Variants in TENM1 observed in about 807,000 individuals in gnomAD.
The protein encoded by TENM1 is teneurin-1.
Under a neutral mutation model 174.8 loss-of-function variants are expected in TENM1, and 35 were observed. The observed-to-expected ratio is 0.20, with a 90% CI of 0.15 to 0.27. The LOEUF is 0.27. TENM1 is among the 10% of genes least tolerant of loss of function. TENM1 has a pLI of 1.00. For synonymous variants in TENM1, 781 were observed against 798.7 expected, an observed-to-expected ratio of 0.98 and a Z score of 0.37; for missense variants, 1,633 against 2,130.1, an observed-to-expected ratio of 0.77 and a Z score of 4.59.
chrX:125,113,232 G>A, the TENM1 span, among the ~76,000 whole-genome samples: 1 of 111,132 alleles, frequency 9.0e-6, no homozygotes, highest in African/African-American at 3.3e-5. Context: ...ATAAAAAATT[G>A]TCTCAAAATG....
At chrX:125,097,215 G>A in the TENM1 span, among the ~76,000 whole-genome samples, 2 of 111,594 alleles carry the variant, frequency 1.8e-5, no homozygotes, top group African/African-American at 6.5e-5. Context: ...CTGAGAACAA[G>A]TTTAGGTGAA....
At chrX:124,930,605 T>C (rs1335335843) in intron 1 of TENM1, among the ~76,000 whole-genome samples, 3 of 112,268 alleles carry the variant, frequency 2.7e-5, no homozygotes, top group Non-Finnish European at 3.8e-5. Flanking sequence ...ACAGGTAACT[T>C]GATTCCTTAA....
intron 11 of TENM1, among the ~76,000 whole-genome samples, chrX:124,624,260 C>A (rs763478836): frequency 2.7e-5 from 3 of 111,368 alleles, no homozygotes; most frequent in Non-Finnish European, 3.8e-5. Flanking sequence ...TATGACCTTC[C>A]TAGTATTTAT....
the TENM1 span, among the ~76,000 whole-genome samples, chrX:125,011,641 C>T: frequency 1.8e-5 from 2 of 111,915 alleles, no homozygotes; most frequent in African/African-American, 6.5e-5. Flanking sequence ...AACCAGATAA[C>T]ATCTCATGCC....
At chrX:125,163,431 G>C in the TENM1 span, among the ~76,000 whole-genome samples, 1 of 110,817 alleles carries the variant, frequency 9.0e-6, no homozygotes, top group Non-Finnish European at 1.9e-5. Context: ...TTGGCTATTA[G>C]GAACAAAAAT....
chrX:124,457,894 T>C (rs1011739026), intron 22 of TENM1, among the ~76,000 whole-genome samples: 9 of 112,149 alleles, frequency 8.0e-5, no homozygotes, highest in African/African-American at 2.9e-4. Context: ...TTTCAGAATA[T>C]AAGCTTTGGA....
the TENM1 span, among the ~76,000 whole-genome samples, chrX:125,068,770 T>C: frequency 8.9e-6 from 1 of 111,741 alleles, no homozygotes; most frequent in Non-Finnish European, 1.9e-5. Flanking sequence ...GAAGAATTAC[T>C]TGAAAGTGCA....
chrX:125,181,601 G>A, the TENM1 span, among the ~76,000 whole-genome samples: 1 of 111,719 alleles, frequency 9.0e-6, no homozygotes, highest in African/African-American at 3.3e-5. Flanking sequence ...AAGAAAAAAA[G>A]ATAATTTTTT....
chrX:124,471,332 GTACTATATATAA>G (rs1299706047), intron 22 of TENM1, among the ~76,000 whole-genome samples: 9 of 16,059 alleles, frequency 5.6e-4, no homozygotes, highest in East Asian at 1.8e-3. Context: ...ATAATATATA[GTACTATATATAA>G]TATATATTAT....
the TENM1 span, among the ~76,000 whole-genome samples, chrX:125,164,950 G>A: frequency 3.6e-5 from 4 of 111,444 alleles, no homozygotes; most frequent in Non-Finnish European, 7.5e-5. Flanking sequence ...TACCAAAAAG[G>A]TGTTCATTAC....
At chrX:125,089,095 A>T in the TENM1 span, among the ~76,000 whole-genome samples, 14 of 111,422 alleles carry the variant, frequency 1.3e-4, no homozygotes, top group Admixed American at 1.1e-3. Flanking sequence ...TTCAATATCA[A>T]GCATAAATTC....
the TENM1 span, among the ~76,000 whole-genome samples, chrX:124,972,423 A>T: frequency 8.9e-6 from 1 of 112,027 alleles, no homozygotes; most frequent in Admixed American, 9.5e-5. Flanking sequence ...TTAGAAAAAT[A>T]TGACAAAACT....
Position 124,392,588 on chromosome X carries a change from G to T in TENM1, c.5392-240C>A, listed in dbSNP as rs182375319. Among the ~76,000 whole-genome samples the T allele has an allele frequency of 1.8e-4, 20 of 111,932 alleles. 1 individual carries two copies. The East Asian group carries it at 5.0e-3, about 28-fold the overall frequency. On this transcript the variant is annotated intron_variant, in intron 27 of 31. Transcript: ENST00000422452. ...TACTCTAGACTCTCAATAGGTGGTT[G>T]TTGATTGCTTTTTCCCCAGCTCAAG...
the TENM1 span, among the ~76,000 whole-genome samples, chrX:125,158,085 A>C: frequency 9.0e-6 from 1 of 111,024 alleles, no homozygotes; most frequent in Non-Finnish European, 1.9e-5. Context: ...ACATCCTGAC[A>C]TAGGTAATAA....
intron 1 of TENM1, among the ~76,000 whole-genome samples, chrX:124,952,903 T>C (rs1483225739): frequency 8.9e-6 from 1 of 111,935 alleles, no homozygotes; most frequent in African/African-American, 3.2e-5. Context: ...CAGTTTATAC[T>C]GGTGGGACAG....
the TENM1 span, among the ~76,000 whole-genome samples, chrX:125,017,560 G>A: frequency 3.6e-5 from 4 of 111,543 alleles, no homozygotes; most frequent in Non-Finnish European, 7.5e-5. Flanking sequence ...GTACTATAAT[G>A]ACACATGCAC....
At chrX:124,511,846 A>T (rs755827393) in intron 18 of TENM1, among the ~76,000 whole-genome samples, 7 of 111,748 alleles carry the variant, frequency 6.3e-5, no homozygotes, top group Admixed American at 2.8e-4. Flanking sequence ...AGCACCTATT[A>T]CTATTAATGT....
chrX:124,784,539 C>T (rs1484364679), intron 3 of TENM1, among the ~76,000 whole-genome samples: 1 of 111,210 alleles, frequency 9.0e-6, no homozygotes, highest in East Asian at 2.8e-4. Flanking sequence ...GCCCACTATC[C>T]ACAGAGATAA....
intron 6 of TENM1, among the ~76,000 whole-genome samples, chrX:124,669,461 T>C (rs1413024726): frequency 9.0e-6 from 1 of 111,591 alleles, no homozygotes; most frequent in African/African-American, 3.3e-5. Context: ...ATGTGTCTTA[T>C]GTAGAAAATC....
Sources: allele counts gnomAD v4.1 joint callset (sites outside exome capture counted in the v4.1 genomes callset), GRCh38; gene constraint gnomAD v4.1.1; transcripts MANE v1.5; gene names NCBI Gene and HGNC (gene_info 2026-07-23, HGNC 2026-07-21).